DPP10: variants seen among roughly 807,000 people sequenced by gnomAD.
DPP10 encodes inactive dipeptidyl peptidase 10.
A neutral mutation model predicts 120.9 loss-of-function variants in DPP10; 33 were observed. That is an observed-to-expected ratio of 0.27 (90% confidence interval 0.21 to 0.37). The LOEUF (loss-of-function observed/expected upper bound fraction) is 0.37, where lower values mean the gene tolerates loss of function less well. DPP10 is among the 10% of genes least tolerant of loss of function. DPP10 has a pLI of 1.00. For missense variants in DPP10, 816 were observed against 942.8 expected, an observed-to-expected ratio of 0.87 and a Z score of 1.76; for synonymous variants, 337 against 326.1, an observed-to-expected ratio of 1.03 and a Z score of -0.36.
At chr2:115,514,058 C>T (rs2077373227) in intron 4 of DPP10, among the ~76,000 whole-genome samples, 1 of 151,854 alleles carries the variant, frequency 6.6e-6, no homozygotes. Context: ...CAAGCTTTTT[C>T]TTTTAATACT....
chr2:115,090,821 G>A (rs1192675656), intron 1 of DPP10, among the ~76,000 whole-genome samples: 1 of 152,028 alleles, frequency 6.6e-6, no homozygotes, highest in Admixed American at 6.6e-5. Flanking sequence ...AGGTTATCTG[G>A]GGTCTGACAT....
intron 1 of DPP10, among the ~76,000 whole-genome samples, chr2:114,843,436 T>C (rs1688315003): frequency 6.6e-6 from 1 of 152,164 alleles, no homozygotes; most frequent in Non-Finnish European, 1.5e-5. Flanking sequence ...GTGCTATGAT[T>C]GCTCAACAAA....
At chr2:115,702,161 C>T (rs1486059955) in intron 7 of DPP10, among the ~76,000 whole-genome samples, 1 of 151,930 alleles carries the variant, frequency 6.6e-6, no homozygotes, top group Non-Finnish European at 1.5e-5. Context: ...CCTTGTTCCT[C>T]AAGGTTAAGT....
chr2:114,944,489 G>A (rs905111173), intron 1 of DPP10, among the ~76,000 whole-genome samples: 4 of 151,946 alleles, frequency 2.6e-5, no homozygotes, highest in Admixed American at 2.0e-4. Context: ...TACATTTTGG[G>A]CATTCCTTCC....
At chr2:115,372,959 C>T (rs908423126) in intron 3 of DPP10, among the ~76,000 whole-genome samples, 4 of 151,038 alleles carry the variant, frequency 2.6e-5, no homozygotes, top group Non-Finnish European at 5.9e-5. Context: ...AAAACATAGT[C>T]AGTTGTTGAT....
At chr2:115,167,941 G>C (rs2053026271) in intron 1 of DPP10, among the ~76,000 whole-genome samples, 1 of 152,126 alleles carries the variant, frequency 6.6e-6, no homozygotes, top group South Asian at 2.1e-4. Context: ...GTTGCATATT[G>C]TTTTCAATGC....
At chr2:115,652,155 A>G (rs1041831796) in intron 5 of DPP10, among the ~76,000 whole-genome samples, 1 of 152,088 alleles carries the variant, frequency 6.6e-6, no homozygotes, top group African/African-American at 2.4e-5. Context: ...GATATATGCC[A>G]GACATTCTTT....
chr2:115,734,688 T>A, intron 8 of DPP10, among the ~76,000 whole-genome samples: 1 of 147,226 alleles, frequency 6.8e-6, no homozygotes, highest in Non-Finnish European at 1.5e-5. Flanking sequence ...AAAAAGAACT[T>A]AGAGTTTACA....
At chr2:115,402,062 C>G (rs529123905) in intron 3 of DPP10, among the ~76,000 whole-genome samples, 3 of 152,208 alleles carry the variant, frequency 2.0e-5, no homozygotes, top group Non-Finnish European at 4.4e-5. Context: ...AGGAGTGAGG[C>G]TAAGACTTCC....
intron 1 of DPP10, chr2:115,161,853 A>T: frequency 1.5e-6 from 1 of 688,594 alleles, no homozygotes; most frequent in Non-Finnish European, 1.9e-6. Context: ...CCTTCCGCCG[A>T]TTCCGGGAGC....
intron 5 of DPP10, among the ~76,000 whole-genome samples, chr2:115,666,364 A>T (rs1054045782): frequency 6.6e-6 from 1 of 152,142 alleles, no homozygotes; most frequent in Non-Finnish European, 1.5e-5. Context: ...CCAACAGGGG[A>T]AACCCTCACT....
chr2:114,682,944 G>A (rs1214113049), intron 1 of DPP10, among the ~76,000 whole-genome samples: 1 of 151,870 alleles, frequency 6.6e-6, no homozygotes, highest in Non-Finnish European at 1.5e-5. Context: ...GAAATCATGT[G>A]CACTCTTCAG....
intron 1 of DPP10, among the ~76,000 whole-genome samples, chr2:114,452,543 G>T (rs147793128): frequency 6.6e-6 from 1 of 152,174 alleles, no homozygotes; most frequent in Non-Finnish European, 1.5e-5. Flanking sequence ...ATAGGCAAAC[G>T]TGAGCATTGT....
Position 114,844,781 on chromosome 2 carries a change from G to A in DPP10, c.60+401943G>A, listed in dbSNP as rs1688417895. 2.6e-5 allele frequency among the ~76,000 whole-genome samples: 4 copies of A among 151,560 alleles called. No homozygotes were observed. The South Asian group carries it at 8.3e-4, about 32-fold the overall frequency. ...TTATATATTTAAATTGAATATTCAAGCAAGATGAAAGGACTTCAATTCTGG... is the reference window on the plus strand; with the variant it reads ...TTATATATTTAAATTGAATATTCAAACAAGATGAAAGGACTTCAATTCTGG... On this transcript the variant is annotated intron_variant, in intron 1 of 25. Transcript: ENST00000410059.
chr2:115,476,675 C>G (rs577637530), intron 3 of DPP10, among the ~76,000 whole-genome samples: 9 of 152,238 alleles, frequency 5.9e-5, no homozygotes, highest in Non-Finnish European at 8.8e-5. Context: ...CATCTCCTAC[C>G]AGGCTCCACT....
intron 3 of DPP10, among the ~76,000 whole-genome samples, chr2:115,436,616 G>A (rs2071518997): frequency 6.6e-6 from 1 of 151,668 alleles, no homozygotes. Flanking sequence ...ATTATTTATT[G>A]AGGCCCATTT....
At chr2:115,022,960 A>G (rs1009955102) in intron 1 of DPP10, among the ~76,000 whole-genome samples, 2 of 152,182 alleles carry the variant, frequency 1.3e-5, no homozygotes, top group African/African-American at 4.8e-5. Flanking sequence ...CAGAAGAATG[A>G]AACTGGATCC....
chr2:115,072,697 T>C (rs1707465226), intron 1 of DPP10, among the ~76,000 whole-genome samples: 1 of 152,208 alleles, frequency 6.6e-6, no homozygotes, highest in Non-Finnish European at 1.5e-5. Flanking sequence ...ATTTAAAGTG[T>C]CTAAAATTTT....
At chr2:114,796,441 C>G (rs1470145607) in intron 1 of DPP10, among the ~76,000 whole-genome samples, 1 of 151,746 alleles carries the variant, frequency 6.6e-6, no homozygotes, top group Non-Finnish European at 1.5e-5. Context: ...TTTCTTTTCC[C>G]TTGCTTACTT....
Sources: gnomAD v4.1 joint callset for allele counts (sites outside exome capture counted in the v4.1 genomes callset) on GRCh38, gnomAD v4.1.1 for gene constraint, MANE v1.5 for transcripts, NCBI Gene and HGNC (gene_info 2026-07-23, HGNC 2026-07-21) for gene names.